NUCKS1: variants seen among roughly 807,000 people sequenced by gnomAD.
The protein encoded by NUCKS1 is nuclear ubiquitous casein and cyclin-dependent kinase substrate 1.
A neutral mutation model predicts 33.0 loss-of-function variants in NUCKS1; 2 were observed. The observed-to-expected ratio is 0.06, with a 90% CI of 0.02 to 0.19. The LOEUF is 0.19. NUCKS1 is among the 10% of genes least tolerant of loss of function. NUCKS1 has a pLI of 1.00. For synonymous variants in NUCKS1, 106 were observed against 102.8 expected, an observed-to-expected ratio of 1.03 and a Z score of -0.19; for missense variants, 201 against 293.6, an observed-to-expected ratio of 0.68 and a Z score of 2.31.
In NUCKS1 at chr1:205,727,932, T is replaced by A. The variant is rs1653816911; in HGVS notation, c.68-127A>T. On this transcript the variant is annotated intron_variant, in intron 2 of 6. Transcript: ENST00000367142. ...GAGGAGCAGGATTTCCCAAATAGTT[T>A]CTTTCATCTTTAAAAAACTAAATTA... is the stretch of plus-strand genomic sequence containing the variant. The A allele has an allele frequency of 4.3e-6, 3 of 691,680 alleles. No homozygotes were observed. In the Admixed American group the frequency reaches 8.9e-5, roughly 21 times the overall value. The allele number at this position is 691,680 out of a possible 1,614,324, so 42.8% of individuals were successfully genotyped here.
intron 2 of NUCKS1, 138 bp from the exon 3 acceptor site, chr1:205,727,943 T>C: frequency 1.5e-6 from 1 of 650,614 alleles, no homozygotes; most frequent in South Asian, 2.0e-5. Flanking sequence ...CTTTCATCTT[T>C]AAAAAACTAA....
rs1344849404 is a variant in NUCKS1, at chr1:205,719,678, T to C, written c.383-2A>G. On this transcript the variant is annotated splice_acceptor_variant, in intron 5 of 6. Coordinates refer to ENST00000367142, the MANE Select transcript of NUCKS1 (RefSeq NM_022731.5). LOFTEE classifies it high-confidence loss of function. ...AATCTTCATCGCTGCCGGAATCTTC[T>C]GAGAAGAAAGAAGAATTTCAACATC... 1 of 1,603,800 alleles carries C rather than the reference T, an allele frequency of 6.2e-7. No individual in the cohort carries two copies. The highest frequency in any genetic ancestry group is 1.1e-5 in the South Asian group (1 of 88,130).
rs989948647 is a variant in NUCKS1 at position 205,715,266 on chromosome 1, G to T, written c.*3014C>A. ...ATTGAACTGGGGCAAACAGGTTATT[G>T]TGAAAACAGTCAATATGTAAGCTCC... On this transcript the variant is annotated 3_prime_UTR_variant, in exon 7 of 7. Transcript: ENST00000367142. The T allele has an allele frequency of 6.6e-5, 10 of 152,334 alleles. No individual in the cohort carries two copies. In the South Asian group the frequency reaches 2.1e-3, roughly 32 times the overall value. 9.4% of individuals were successfully genotyped at this position (152,334 alleles called of 1,614,324 possible).
intron 6 of NUCKS1, among the ~76,000 whole-genome samples, chr1:205,718,703 G>C (rs879942326): frequency 6.6e-6 from 1 of 152,124 alleles, no homozygotes; most frequent in Non-Finnish European, 1.5e-5. Context: ...TTTCCCATCA[G>C]TTTTTACCAA....
In NUCKS1 at chr1:205,718,003, T is replaced by C; in HGVS notation, c.*277A>G. The stretch of plus-strand genomic sequence containing the variant: ...ATCCAGTGATTAATTTGACATGGCT[T>C]TCATTGGGAAAGGGGAGGGCTGGCA... On this transcript the variant is annotated 3_prime_UTR_variant, in exon 7 of 7. Coordinates refer to ENST00000367142, the MANE Select transcript of NUCKS1 (RefSeq NM_022731.5). 2 of 1,078,378 alleles carry C rather than the reference T, an allele frequency of 1.9e-6. No individual in the cohort carries two copies. The highest frequency in any genetic ancestry group is 2.2e-6 in the Non-Finnish European group (2 of 892,432). The allele number at this position is 1,078,378 out of a possible 1,614,324, so 66.8% of individuals were successfully genotyped here.
Position 205,715,342 on chromosome 1 carries a change from T to A in NUCKS1, c.*2938A>T, listed in dbSNP as rs931472648. 3 of 152,208 alleles carry A rather than the reference T, an allele frequency of 2.0e-5. No homozygotes were observed. The highest frequency in any genetic ancestry group is 7.2e-5 in the African/African-American group (3 of 41,456). The allele number at this position is 152,208 out of a possible 1,614,324, so 9.4% of individuals were successfully genotyped here. A position where few individuals can be genotyped will look rare whatever the true frequency, so the allele number is the denominator to read the frequency against. On this transcript the variant is annotated 3_prime_UTR_variant, in exon 7 of 7. Coordinates refer to ENST00000367142, the MANE Select transcript of NUCKS1 (RefSeq NM_022731.5). ...TCAAGATTAGAAGATGTCCACACTC[T>A]TTGCATTACCTCCCTAAAGGAGGAA...
At chr1:205,719,352 GTCTT>G (rs1168819264) in intron 6 of NUCKS1, among the ~76,000 whole-genome samples, 171 bp downstream of exon 6, 1 of 152,218 alleles carries the variant, frequency 6.6e-6, no homozygotes, top group African/African-American at 2.4e-5. Context: ...ACAGGCTAGT[GTCTT>G]TATTAATAAG....
At chr1:205,740,288 AACC>A (rs1654135344) in intron 1 of NUCKS1, among the ~76,000 whole-genome samples, 1 of 151,854 alleles carries the variant, frequency 6.6e-6, no homozygotes, top group African/African-American at 2.4e-5. Flanking sequence ...TATAGGCGTA[AACC>A]ACCACACCTG....
chr1:205,726,824 CAGT>C (rs1394349834), intron 3 of NUCKS1, among the ~76,000 whole-genome samples: 2 of 152,190 alleles, frequency 1.3e-5, no homozygotes, highest in Non-Finnish European at 2.9e-5. Context: ...ACATAATAAA[CAGT>C]AGCCATCACC....
At chr1:205,749,307 C>T (rs1415794429) in intron 1 of NUCKS1, among the ~76,000 whole-genome samples, 1 of 152,236 alleles carries the variant, frequency 6.6e-6, no homozygotes, top group African/African-American at 2.4e-5. Flanking sequence ...TTTCCAGGAT[C>T]CAGTCCCGAA....
At chr1:205,725,402 A>G (rs941302407) in intron 3 of NUCKS1, among the ~76,000 whole-genome samples, 8 of 152,230 alleles carry the variant, frequency 5.3e-5, no homozygotes, top group African/African-American at 1.9e-4. Context: ...ATGAGAAATT[A>G]CTGAACCCAT....
intron 1 of NUCKS1, among the ~76,000 whole-genome samples, chr1:205,739,568 G>A (rs1012820028): frequency 2.0e-5 from 3 of 152,088 alleles, no homozygotes; most frequent in Admixed American, 2.0e-4. Flanking sequence ...GACCTCCTGG[G>A]CTCAAGCGAT....
intron 1 of NUCKS1, 101 bp downstream of exon 1, chr1:205,749,856 G>C: frequency 7.7e-7 from 1 of 1,301,138 alleles, no homozygotes; most frequent in Non-Finnish European, 1.1e-6. Context: ...GGCCGCGCGC[G>C]GCACCGGGGA....
At chr1:205,744,630 G>GTTTTTTTTTTTTTTTTTT (rs10672842) in intron 1 of NUCKS1, among the ~76,000 whole-genome samples, 1 of 87,786 alleles carries the variant, frequency 1.1e-5, no homozygotes, top group Non-Finnish European at 2.0e-5. Flanking sequence ...GTTCACTAGA[G>GTTTTTTTTTTTTTTTTTT]TTTTTTTTTT....
chr1:205,749,767 A>C (rs2102454094), intron 1 of NUCKS1, among the ~76,000 whole-genome samples, 190 bp downstream of exon 1: 1 of 148,124 alleles, frequency 6.8e-6, no homozygotes, highest in Admixed American at 6.7e-5. Context: ...GGGCGCGCGC[A>C]CGGGCGCGCA....
chr1:205,716,781 A>C lies in NUCKS1; in HGVS notation c.*1499T>G, dbSNP rs1403331774. On this transcript the variant is annotated 3_prime_UTR_variant, in exon 7 of 7. Coordinates refer to ENST00000367142, the MANE Select transcript of NUCKS1 (RefSeq NM_022731.5). ...CTTGTTCCCATTAGCGCCTGGTATT[A>C]GATGTGAAGGATCAAACCTACGGAT... 6.6e-6 allele frequency: 1 copy of C among 152,184 alleles called. No homozygotes were observed. Among genetic ancestry groups the C allele is most frequent in the African/African-American group, 2.4e-5 (1 of 41,452 alleles). The allele number at this position is 152,184 out of a possible 1,614,324, so 9.4% of individuals were successfully genotyped here.
Position 205,746,449 on chromosome 1 carries a change from TCTCTCA to T in NUCKS1, c.17+3502_17+3507del, listed in dbSNP as rs1182053052. Among the ~76,000 whole-genome samples the T allele has an allele frequency of 1.7e-3, 189 of 108,068 alleles. 1 individual carries two copies. The highest frequency in any genetic ancestry group is 5.4e-3 in the South Asian group (13 of 2,398). 70.9% of individuals were successfully genotyped at this position (108,068 alleles called of 152,430 possible). A position where few individuals can be genotyped will look rare whatever the true frequency, so the allele number is the denominator to read the frequency against. Reference sequence around the variant, plus strand: ...TAATAAACTCACTTCTCTCTCTCTCTCTCTCACACACACACACACACACACACACAC... The same window carrying T: ...TAATAAACTCACTTCTCTCTCTCTCTCACACACACACACACACACACACAC... On this transcript the variant is annotated intron_variant, in intron 1 of 6. Coordinates refer to ENST00000367142, the MANE Select transcript of NUCKS1 (RefSeq NM_022731.5).
intron 1 of NUCKS1, among the ~76,000 whole-genome samples, chr1:205,745,534 G>A (rs1189644303): frequency 6.6e-6 from 1 of 151,980 alleles, no homozygotes; most frequent in Non-Finnish European, 1.5e-5. Context: ...ATTGAGTTGA[G>A]CAAAAACGCT....
chr1:205,736,703 C>T (rs558951738), intron 1 of NUCKS1, among the ~76,000 whole-genome samples: 2 of 152,004 alleles, frequency 1.3e-5, no homozygotes, highest in Admixed American at 6.6e-5. Context: ...TGGTTGTAGG[C>T]GCCTGTAATC....
Sources: allele counts gnomAD v4.1 joint callset (sites outside exome capture counted in the v4.1 genomes callset), GRCh38; gene constraint gnomAD v4.1.1; transcripts MANE v1.5; gene names NCBI Gene and HGNC (gene_info 2026-07-23, HGNC 2026-07-21).